IFT81: variants seen among roughly 807,000 people sequenced by gnomAD.
IFT81 encodes the protein intraflagellar transport protein 81 homolog.
IFT81 carries 72 observed loss-of-function variants against 102.6 expected under a neutral mutation model. That is an observed-to-expected ratio of 0.70 (90% CI 0.58 to 0.85). The LOEUF is 0.85. Ranked by LOEUF, IFT81 falls within the 40% of genes least tolerant of loss-of-function variation. The pLI, the probability that IFT81 is intolerant of heterozygous loss-of-function variation, is 0.00. For missense variants in IFT81, 723 were observed against 787.3 expected (o/e 0.92, Z 0.98); for synonymous variants, 237 against 242.7 (o/e 0.98, Z 0.22).
At chr12:110,157,614 T>A (rs1895914487) in intron 10 of IFT81, among the ~76,000 whole-genome samples, 1 of 152,182 alleles carries the variant, frequency 6.6e-6, no homozygotes, top group Admixed American at 6.5e-5. Flanking sequence ...ATTCTATCTG[T>A]CCCTTTCTCT....
intron 18 of IFT81, among the ~76,000 whole-genome samples, chr12:110,214,284 GAGAT>G (rs1380700601): frequency 6.9e-6 from 1 of 144,464 alleles, no homozygotes. Flanking sequence ...TTTTTTTTTT[GAGAT>G]AGAGACTCAA....
chr12:110,129,047 G>T lies in IFT81; in HGVS notation c.346G>T (p.Ala116Ser), dbSNP rs1378825625. ...LQRTNELKKR[A>S]YLARFLIKLE... ...GAGGACTAATGAACTGAAGAAAAGAGCATATTTAGCTCGTTTTTTAATAAA... is the reference window on the plus strand; with the variant it reads ...GAGGACTAATGAACTGAAGAAAAGATCATATTTAGCTCGTTTTTTAATAAA... The change falls in exon 4 of 19, where the codon GCA (alanine) becomes TCA (serine). Residue 116 changes from alanine to serine, a missense_variant. Ala to Ser is a moderately conservative substitution (Grantham distance 99). Transcript: ENST00000242591. 12 of 1,606,348 alleles carry T rather than the reference G, an allele frequency of 7.5e-6. No individual in the cohort carries two copies. The highest frequency in any genetic ancestry group is 4.0e-5 in the African/African-American group (3 of 74,404).
At chr12:110,180,340 A>G (rs970870579) in intron 11 of IFT81, 82 bp from the exon 12 acceptor site, 1 of 737,472 alleles carries the variant, frequency 1.4e-6, no homozygotes, top group Non-Finnish European at 2.0e-6. Context: ...AAAAAATGTG[A>G]ATATATTGAG....
chr12:110,151,166 C>T (rs532103634), intron 10 of IFT81, among the ~76,000 whole-genome samples: 26 of 152,186 alleles, frequency 1.7e-4, no homozygotes, highest in Admixed American at 1.5e-3. Context: ...AACACATTAG[C>T]ACCCACTTTC....
chr12:110,199,508 C>A (rs1475918918), intron 14 of IFT81, among the ~76,000 whole-genome samples: 1 of 152,146 alleles, frequency 6.6e-6, no homozygotes, highest in Non-Finnish European at 1.5e-5. Flanking sequence ...ATCACTGTCA[C>A]AGCTGCATAG....
intron 5 of IFT81, among the ~76,000 whole-genome samples, chr12:110,133,714 C>A (rs149182127): frequency 6.8e-4 from 103 of 152,214 alleles, no homozygotes; most frequent in African/African-American, 2.4e-3. Context: ...ATATTTAAAT[C>A]TTTTTCTTGG....
At chr12:110,130,829 A>G (rs186930747) in intron 4 of IFT81, among the ~76,000 whole-genome samples, 160 of 152,078 alleles carry the variant, frequency 1.1e-3, no homozygotes, top group Admixed American at 3.0e-3. Context: ...CACACACACA[A>G]TGATTTACAA....
At chr12:110,178,746 G>T (rs930170442) in intron 11 of IFT81, among the ~76,000 whole-genome samples, 3 of 6,572 alleles carry the variant, frequency 4.6e-4, no homozygotes, top group Admixed American at 2.7e-3. Flanking sequence ...CTCCTGAGTA[G>T]CTGGGACTAC....
intron 11 of IFT81, among the ~76,000 whole-genome samples, chr12:110,173,223 G>GC (rs1467670516): frequency 9.5e-5 from 14 of 147,784 alleles, no homozygotes; most frequent in East Asian, 4.1e-4. Flanking sequence ...TGGGGGTTCA[G>GC]CCCCCCACCC....
chr12:110,200,278 T>A (rs1444693317), intron 14 of IFT81, among the ~76,000 whole-genome samples: 1 of 152,204 alleles, frequency 6.6e-6, no homozygotes, highest in Non-Finnish European at 1.5e-5. Flanking sequence ...TGGTATAGCC[T>A]ATTCATATCT....
chr12:110,135,202 A>G lies in IFT81; in HGVS notation c.586-125A>G, dbSNP rs1197757744. On this transcript the variant is annotated intron_variant, in intron 6 of 18. Coordinates refer to ENST00000242591, the MANE Select transcript of IFT81 (RefSeq NM_014055.4). ...TCAAGGACCTGGAGCCTAGAGCTTT[A>G]CTGTCATCTCTAGGGAGTACTGTTT... 5.6e-6 allele frequency: 4 copies of G among 713,842 alleles called. No individual in the cohort carries two copies. The African/African-American group carries it at 7.2e-5, about 13-fold the overall frequency. The allele number at this position is 713,842 out of a possible 1,614,324, so 44.2% of individuals were successfully genotyped here.
Position 110,209,232 on chromosome 12 carries a change from T to A in IFT81, c.1848+16T>A. ...CCTTGGAAAGGTAAGAATTATTATT[T>A]ATTTTTTTAAATGTGTCTAACTGAT... On this transcript the variant is annotated intron_variant, in intron 18 of 18. Transcript: ENST00000242591. The A allele has an allele frequency of 7.2e-7, 1 of 1,386,286 alleles. No individual in the cohort carries two copies. The highest frequency in any genetic ancestry group is 1.8e-4 in the Middle Eastern group (1 of 5,492). The allele number at this position is 1,386,286 out of a possible 1,614,324, so 85.9% of individuals were successfully genotyped here.
In IFT81 at chr12:110,210,954, C is replaced by G. The variant is rs188150634; in HGVS notation, c.1848+1738C>G. On this transcript the variant is annotated intron_variant, in intron 18 of 18. Transcript: ENST00000242591. ...ACTGCAGCCTTGGCCTCCCCACGCT[C>G]AAGCGATCCTCCCACCTCAGCCTCC... 6.8e-3 allele frequency among the ~76,000 whole-genome samples: 1,022 copies of G among 149,884 alleles called. 1 individual carries two copies. The highest frequency in any genetic ancestry group is 9.4e-3 in the Non-Finnish European group (637 of 67,456).
At chr12:110,127,182 T>G (rs1267307890) in intron 1 of IFT81, among the ~76,000 whole-genome samples, 178 bp from the exon 2 acceptor site, 3 of 152,236 alleles carry the variant, frequency 2.0e-5, no homozygotes, top group Non-Finnish European at 4.4e-5. Context: ...TACTGCAGTT[T>G]TCATAGTAAA....
rs547764667 is a variant in IFT81, at chr12:110,134,979, A to C, written c.551A>C (p.Gln184Pro). The C allele has an allele frequency of 6.2e-7, 1 of 1,611,364 alleles. No homozygotes were observed. Among genetic ancestry groups the C allele is most frequent in the East Asian group, 2.2e-5 (1 of 44,836 alleles). Residue 184 changes from glutamine (Q) to proline (P), a missense_variant, in exon 6 of 19, where the codon CAG becomes CCG. Transcript: ENST00000242591. Reference sequence around the variant, plus strand: ...AGTGCAATGGAAGAAGAAAAGGATCAGCTCATTAAGAGAGTTGAACATTTG... The same window carrying C: ...AGTGCAATGGAAGAAGAAAAGGATCCGCTCATTAAGAGAGTTGAACATTTG... The part of the protein sequence containing the change: ...DISAMEEEKD[Q>P]LIKRVEHLKK...
At chr12:110,127,699 G>A (rs1366794284) in intron 2 of IFT81, among the ~76,000 whole-genome samples, 175 bp downstream of exon 2, 1 of 152,090 alleles carries the variant, frequency 6.6e-6, no homozygotes, top group Non-Finnish European at 1.5e-5. Context: ...ATTATCTATT[G>A]GTACCTTATT....
intron 18 of IFT81, among the ~76,000 whole-genome samples, chr12:110,213,844 C>A (rs1285686717): frequency 1.3e-5 from 2 of 152,138 alleles, no homozygotes; most frequent in African/African-American, 4.8e-5. Flanking sequence ...CCAGTGGAAG[C>A]CTCTTGAAGT....
intron 12 of IFT81, among the ~76,000 whole-genome samples, chr12:110,180,855 C>T (rs1897293796): frequency 6.6e-6 from 1 of 152,050 alleles, no homozygotes; most frequent in Non-Finnish European, 1.5e-5. Flanking sequence ...AATTATCATA[C>T]CAAGAGAGTG....
At chr12:110,167,337 A>G (rs1184086322) in intron 11 of IFT81, among the ~76,000 whole-genome samples, 1 of 152,224 alleles carries the variant, frequency 6.6e-6, no homozygotes, top group African/African-American at 2.4e-5. Context: ...GAGTTCTGAC[A>G]TAAGTAGGAA....
Sources: allele counts gnomAD v4.1 joint callset (sites outside exome capture counted in the v4.1 genomes callset), GRCh38; gene constraint gnomAD v4.1.1; transcripts MANE v1.5; gene names NCBI Gene and HGNC (gene_info 2026-07-23, HGNC 2026-07-21).